Variants in KLHL8 observed in about 807,000 individuals in gnomAD.
KLHL8 encodes the protein kelch like family member 8.
Under a neutral mutation model 63.5 loss-of-function variants are expected in KLHL8, and 38 were observed. That is an observed-to-expected ratio of 0.60 (90% CI 0.46 to 0.78). The LOEUF (loss-of-function observed/expected upper bound fraction) is 0.78, where lower values mean the gene tolerates loss of function less well. Ranked by LOEUF, KLHL8 falls within the 30% of genes least tolerant of loss-of-function variation. KLHL8 has a pLI of 0.00. For missense variants in KLHL8, 566 were observed against 752.4 expected (o/e 0.75, Z 2.90); for synonymous variants, 224 against 254.3 (o/e 0.88, Z 1.13).
chr4:87,171,467 T>C (rs1246743420), intron 6 of KLHL8, among the ~76,000 whole-genome samples: 1 of 152,250 alleles, frequency 6.6e-6, no homozygotes, highest in Non-Finnish European at 1.5e-5. Context: ...AAAAGAATTC[T>C]TAAGGATAAT....
chr4:87,231,152 C>T (rs1000507170), intron 1 of KLHL8, among the ~76,000 whole-genome samples: 1 of 152,170 alleles, frequency 6.6e-6, no homozygotes, highest in South Asian at 2.1e-4. Context: ...GCGGCCTCAC[C>T]TGCCCGGTGG....
At position 87,195,268 on chromosome 4, in the gene KLHL8, C is replaced by G. The variant is rs982090204; in HGVS notation, c.216+56G>C. 3 of 1,406,562 alleles carry G rather than the reference C, an allele frequency of 2.1e-6. No homozygotes were observed. In the African/African-American group the frequency reaches 4.3e-5, roughly 20 times the overall value. 87.1% of individuals were successfully genotyped at this position (1,406,562 alleles called of 1,614,324 possible). ...TGCCTTGTATGGTTACAGAAACCCCCATTTCTCATATTACACTGAAGAGGC... is the reference window on the plus strand; with the variant it reads ...TGCCTTGTATGGTTACAGAAACCCCGATTTCTCATATTACACTGAAGAGGC... On this transcript the variant is annotated intron_variant, in intron 2 of 9. Transcript: ENST00000273963.
chr4:87,182,833 C>T (rs1731106198), intron 4 of KLHL8, among the ~76,000 whole-genome samples: 1 of 152,082 alleles, frequency 6.6e-6, no homozygotes, highest in African/African-American at 2.4e-5. Context: ...AAGTTCCATG[C>T]TTGGCCCTAG....
At chr4:87,170,324 G>A in intron 7 of KLHL8, 86 bp from the exon 8 acceptor site, 1 of 1,451,026 alleles carries the variant, frequency 6.9e-7, no homozygotes, top group Non-Finnish European at 9.4e-7. Flanking sequence ...GTACAAGGCA[G>A]TATTTCAGGA....
At chr4:87,207,933 C>T in intron 1 of KLHL8, 2 of 1,079,328 alleles carry the variant, frequency 1.9e-6, no homozygotes, top group Admixed American at 1.7e-5. Context: ...AGGCTGTCTC[C>T]TCCAACTTCA....
intron 8 of KLHL8, among the ~76,000 whole-genome samples, chr4:87,169,068 G>A (rs1490205736): frequency 6.6e-6 from 1 of 152,100 alleles, no homozygotes; most frequent in Non-Finnish European, 1.5e-5. Flanking sequence ...ACTTTGGGAG[G>A]CCAAGGCAGG....
At chr4:87,174,423 C>A (rs1021269497) in intron 6 of KLHL8, among the ~76,000 whole-genome samples, 2 of 152,022 alleles carry the variant, frequency 1.3e-5, no homozygotes, top group Non-Finnish European at 2.9e-5. Context: ...GGATTACAGG[C>A]ACCCGCCACC....
At chr4:87,172,952 G>A (rs1730689099) in intron 6 of KLHL8, among the ~76,000 whole-genome samples, 1 of 152,092 alleles carries the variant, frequency 6.6e-6, no homozygotes, top group African/African-American at 2.4e-5. Flanking sequence ...AAATATATAT[G>A]TTTAATTCAA....
chr4:87,196,671 A>C (rs554583614), intron 1 of KLHL8, among the ~76,000 whole-genome samples: 2 of 152,226 alleles, frequency 1.3e-5, no homozygotes, highest in Non-Finnish European at 2.9e-5. Context: ...TCATCAAAGC[A>C]TATTTGATGA....
chr4:87,192,905 A>AT (rs1026698131), intron 2 of KLHL8, among the ~76,000 whole-genome samples: 16 of 151,992 alleles, frequency 1.1e-4, no homozygotes, highest in East Asian at 5.8e-4. Flanking sequence ...AGTATAAGGT[A>AT]TTTTTTTTAA....
intron 2 of KLHL8, among the ~76,000 whole-genome samples, chr4:87,194,260 T>G (rs573279312): frequency 5.2e-4 from 79 of 152,282 alleles, no homozygotes; most frequent in African/African-American, 1.9e-3. Context: ...ACAGTGTTCA[T>G]CCCCTCTGGA....
In KLHL8 at chr4:87,160,583, C is replaced by A. The variant is rs1045604030; in HGVS notation, c.*2936G>T. 5.3e-5 allele frequency: 8 copies of A among 152,118 alleles called. No individual in the cohort carries two copies. Among genetic ancestry groups the A allele is most frequent in the Non-Finnish European group, 1.0e-4 (7 of 68,004 alleles). The allele number at this position is 152,118 out of a possible 1,614,324, so 9.4% of individuals were successfully genotyped here. On this transcript the variant is annotated 3_prime_UTR_variant, in exon 10 of 10. Transcript: ENST00000273963. ...AATAAAATACTCCTTAGAGGGAGTA[C>A]AAAGTTTATTCAAACATTTTAGAAA...
upstream of KLHL8, among the ~76,000 whole-genome samples, chr4:87,222,784 A>G (rs966046314): frequency 2.4e-4 from 36 of 151,836 alleles, no homozygotes; most frequent in African/African-American, 8.5e-4. Context: ...GGGTTTTACC[A>G]TGTTGGCCAG....
At chr4:87,210,916 TA>T (rs1290034694) in intron 1 of KLHL8, among the ~76,000 whole-genome samples, 6 of 152,210 alleles carry the variant, frequency 3.9e-5, no homozygotes, top group Non-Finnish European at 5.9e-5. Flanking sequence ...AAAAGTCTGA[TA>T]TTTTTTTCAT....
intron 2 of KLHL8, among the ~76,000 whole-genome samples, chr4:87,190,954 T>G (rs1366848651): frequency 1.3e-5 from 2 of 152,186 alleles, no homozygotes; most frequent in African/African-American, 4.8e-5. Flanking sequence ...TCATGAGTTA[T>G]AACAAATCAC....
intron 1 of KLHL8, among the ~76,000 whole-genome samples, chr4:87,217,801 T>C (rs1012877353): frequency 6.6e-5 from 10 of 152,188 alleles, no homozygotes; most frequent in African/African-American, 2.4e-4. Context: ...GTTCTTAATA[T>C]ACAAAAATAA....
At chr4:87,229,993 T>G (rs1733107169) in intron 1 of KLHL8, among the ~76,000 whole-genome samples, 1 of 152,068 alleles carries the variant, frequency 6.6e-6, no homozygotes. Flanking sequence ...CACTCCTCCC[T>G]CCTCTCAAGT....
intron 2 of KLHL8, among the ~76,000 whole-genome samples, chr4:87,193,501 T>C (rs1241330622): frequency 1.3e-5 from 2 of 152,206 alleles, no homozygotes; most frequent in South Asian, 4.1e-4. Context: ...CTTGTTTTTA[T>C]TAAGAATCAA....
At chr4:87,235,463 C>G (rs977355662) in intron 1 of KLHL8, among the ~76,000 whole-genome samples, 2 of 152,122 alleles carry the variant, frequency 1.3e-5, no homozygotes, top group African/African-American at 4.8e-5. Flanking sequence ...AGCACATTCC[C>G]TGATGTTCAC....
Sources: allele counts gnomAD v4.1 joint callset (sites outside exome capture counted in the v4.1 genomes callset), GRCh38; gene constraint gnomAD v4.1.1; transcripts MANE v1.5; gene names NCBI Gene and HGNC (gene_info 2026-07-23, HGNC 2026-07-21).